The following SPSB4 variants were observed in gnomAD, a reference collection of about 807,000 sequenced individuals.
The protein encoded by SPSB4 is SPRY domain-containing SOCS box protein 4.
In SPSB4, 21 loss-of-function variants were observed where a neutral mutation model predicts 20.9. That is an observed-to-expected ratio of 1.01 (90% CI 0.71 to 1.45). The LOEUF (loss-of-function observed/expected upper bound fraction) is 1.45, where lower values mean the gene tolerates loss of function less well. Ranked by LOEUF, SPSB4 falls within the 40% of genes most tolerant of loss-of-function variation. SPSB4 has a pLI of 0.00. For missense variants in SPSB4, 399 were observed against 399.2 expected (o/e 1.00, Z 0.00); for synonymous variants, 207 against 183.8 (o/e 1.13, Z -1.02).
chr3:141,071,951 C>T (rs1938015320), intron 2 of SPSB4, among the ~76,000 whole-genome samples: 1 of 152,256 alleles, frequency 6.6e-6, no homozygotes, highest in South Asian at 2.1e-4. Context: ...ACGATGACTA[C>T]AAGGACACTG....
chr3:141,143,802 A>T (rs976570091), intron 2 of SPSB4, among the ~76,000 whole-genome samples: 1 of 152,234 alleles, frequency 6.6e-6, no homozygotes, highest in Non-Finnish European at 1.5e-5. Flanking sequence ...TGTTTCACAG[A>T]ATTTGCAGTG....
intron 2 of SPSB4, among the ~76,000 whole-genome samples, chr3:141,109,832 G>C (rs984226464): frequency 6.6e-6 from 1 of 152,206 alleles, no homozygotes; most frequent in African/African-American, 2.4e-5. Context: ...CAGGTCACAG[G>C]CTGGGAGCAG....
chr3:141,061,971 A>T (rs967037361), intron 1 of SPSB4, among the ~76,000 whole-genome samples: 7 of 152,110 alleles, frequency 4.6e-5, no homozygotes, highest in African/African-American at 1.7e-4. Flanking sequence ...TTGACCTCAA[A>T]TGATCCACCT....
intron 2 of SPSB4, among the ~76,000 whole-genome samples, chr3:141,109,834 TGG>T (rs999506100): frequency 6.6e-6 from 1 of 152,182 alleles, no homozygotes; most frequent in African/African-American, 2.4e-5. Context: ...GGTCACAGGC[TGG>T]GAGCAGTGCA....
At chr3:141,109,487 G>C (rs909641384) in intron 2 of SPSB4, among the ~76,000 whole-genome samples, 2 of 152,014 alleles carry the variant, frequency 1.3e-5, no homozygotes, top group Non-Finnish European at 2.9e-5. Context: ...CCCTGGGCCA[G>C]CCAGATCCAC....
chr3:141,127,776 C>T (rs998709597), intron 2 of SPSB4, among the ~76,000 whole-genome samples: 24 of 152,226 alleles, frequency 1.6e-4, no homozygotes, highest in African/African-American at 5.5e-4. Context: ...TGAGACTTGC[C>T]AGGCACCCAG....
At chr3:141,107,690 C>T (rs983770047) in intron 2 of SPSB4, among the ~76,000 whole-genome samples, 1 of 152,224 alleles carries the variant, frequency 6.6e-6, no homozygotes, top group African/African-American at 2.4e-5. Flanking sequence ...GGCACAGTGG[C>T]TCAGGCCTGT....
chr3:141,090,621 A>T (rs550673273), intron 2 of SPSB4, among the ~76,000 whole-genome samples: 1 of 152,322 alleles, frequency 6.6e-6, no homozygotes, highest in East Asian at 1.9e-4. Context: ...ACCCAAGAGC[A>T]AGGGAGAGAG....
At chr3:141,083,746 A>T (rs1938284971) in intron 2 of SPSB4, among the ~76,000 whole-genome samples, 1 of 152,060 alleles carries the variant, frequency 6.6e-6, no homozygotes, top group African/African-American at 2.4e-5. Flanking sequence ...CATATTGCCC[A>T]TTCTGTTCTG....
intron 2 of SPSB4, among the ~76,000 whole-genome samples, chr3:141,099,823 C>G (rs146058433): frequency 0.01 from 1,536 of 152,226 alleles, 21 homozygotes; most frequent in African/African-American, 0.035. Context: ...GGCCATCCCC[C>G]CTAACCTGAG....
chr3:141,139,973 A>G (rs1016467805), intron 2 of SPSB4, among the ~76,000 whole-genome samples: 10 of 152,022 alleles, frequency 6.6e-5, no homozygotes, highest in African/African-American at 1.7e-4. Flanking sequence ...AGGTACACCA[A>G]TTAGATGTAG....
chr3:141,126,386 G>C (rs1939050565), intron 2 of SPSB4, among the ~76,000 whole-genome samples: 1 of 152,162 alleles, frequency 6.6e-6, no homozygotes, highest in Non-Finnish European at 1.5e-5. Context: ...ATCCTGAGGA[G>C]AGAAGACGGA....
At chr3:141,123,285 T>C (rs911078421) in intron 2 of SPSB4, among the ~76,000 whole-genome samples, 6 of 152,336 alleles carry the variant, frequency 3.9e-5, no homozygotes, top group East Asian at 3.9e-4. Context: ...GCCTAGAACA[T>C]TGATAATCAA....
At position 141,061,548 on chromosome 3, in the gene SPSB4, A is replaced by G. The variant is rs186657507; in HGVS notation, c.-153-4404A>G. On this transcript the variant is annotated intron_variant, in intron 1 of 2. Transcript: ENST00000310546. ...TAGTTTCCCCAATTATTAGCATCTT[A>G]CATTAGTATGGCACATTTATCACAA... Among the ~76,000 whole-genome samples the G allele has an allele frequency of 1.0e-3, 152 of 152,154 alleles. 1 individual carries two copies. The highest frequency in any genetic ancestry group is 3.5e-3 in the African/African-American group (145 of 41,564).
intron 1 of SPSB4, among the ~76,000 whole-genome samples, chr3:141,064,062 C>G (rs998024990): frequency 2.0e-5 from 3 of 152,232 alleles, no homozygotes; most frequent in African/African-American, 7.2e-5. Context: ...GCTCCCACTA[C>G]CAGACCACAT....
At chr3:141,104,754 G>A (rs575464744) in intron 2 of SPSB4, among the ~76,000 whole-genome samples, 103 of 152,326 alleles carry the variant, frequency 6.8e-4, no homozygotes, top group Non-Finnish European at 1.2e-3. Context: ...CCCGGTTTAC[G>A]AAACCAGCCA....
At chr3:141,097,846 A>G (rs959313939) in intron 2 of SPSB4, among the ~76,000 whole-genome samples, 5 of 152,210 alleles carry the variant, frequency 3.3e-5, no homozygotes, top group Non-Finnish European at 5.9e-5. Flanking sequence ...ATTACCAATA[A>G]TAAGAAAATT....
intron 2 of SPSB4, among the ~76,000 whole-genome samples, chr3:141,090,811 G>A (rs1252706357): frequency 6.6e-6 from 1 of 152,242 alleles, no homozygotes; most frequent in Non-Finnish European, 1.5e-5. Flanking sequence ...AGACCGTAGA[G>A]GGGCCAGGGC....
chr3:141,074,473 C>G (rs1004990453), intron 2 of SPSB4, among the ~76,000 whole-genome samples: 1 of 152,070 alleles, frequency 6.6e-6, no homozygotes, highest in Non-Finnish European at 1.5e-5. Context: ...GGATTTCACA[C>G]GAGGGAATCT....
Sources: allele counts gnomAD v4.1 joint callset (sites outside exome capture counted in the v4.1 genomes callset), GRCh38; gene constraint gnomAD v4.1.1; transcripts MANE v1.5; gene names NCBI Gene and HGNC (gene_info 2026-07-23, HGNC 2026-07-21).